CYP4F12: variants seen among roughly 807,000 people sequenced by gnomAD.
CYP4F12 encodes cytochrome P450 family 4 subfamily F member 12.
CYP4F12 carries 60 observed loss-of-function variants against 56.5 expected under a neutral mutation model. The ratio of observed to expected loss-of-function variants is 1.06; its 90% CI spans 0.86 to 1.32. The LOEUF (loss-of-function observed/expected upper bound fraction) is 1.32. CYP4F12 is among the 40% of genes most tolerant of loss of function. CYP4F12 has a pLI of 0.00. For synonymous variants in CYP4F12, 263 were observed against 264.9 expected (o/e 0.99, Z 0.07); for missense variants, 711 against 683.5 (o/e 1.04, Z -0.45).
intron 12 of CYP4F12, 95 bp downstream of exon 12, chr19:15,696,607 T>A: frequency 7.3e-7 from 1 of 1,364,616 alleles, no homozygotes. Context: ...CCAGCTCTCC[T>A]TCCCTCCATT....
In CYP4F12 at chr19:15,693,327, A is replaced by G. The variant is rs28557278; in HGVS notation, c.1116-2609A>G. Among the ~76,000 whole-genome samples, 1,362 of 152,308 alleles carry G rather than the reference A, an allele frequency of 8.9e-3. 18 individuals carry two copies. Among genetic ancestry groups the G allele is most frequent in the African/African-American group, 0.031 (1,296 of 41,540 alleles). The stretch of plus-strand genomic sequence containing the variant: ...CACTGCAAAAGAAGAAAGATTAAGC[A>G]GAGAATTCAGCTCCTTTGCTTGATC... On this transcript the variant is annotated intron_variant, in intron 9 of 12. Coordinates refer to ENST00000550308, the MANE Select transcript of CYP4F12 (RefSeq NM_023944.4).
chr19:15,682,650 G>A, intron 6 of CYP4F12, 140 bp downstream of exon 6: 1 of 1,313,436 alleles, frequency 7.6e-7, no homozygotes. Context: ...CGAGGAAGAG[G>A]AGAAAGTGCT....
At chr19:15,696,585 A>G in intron 12 of CYP4F12, 73 bp downstream of exon 12, 2 of 1,507,726 alleles carry the variant, frequency 1.3e-6, no homozygotes, top group Non-Finnish European at 1.8e-6. Flanking sequence ...GACGTTGCAG[A>G]TGGTCCCAGT....
intron 9 of CYP4F12, among the ~76,000 whole-genome samples, chr19:15,692,002 G>A (rs2007892576): frequency 6.6e-6 from 1 of 152,012 alleles, no homozygotes; most frequent in South Asian, 2.1e-4. Flanking sequence ...TTGTCGCCCA[G>A]GCTGGAGTGC....
At chr19:15,682,869 G>C (rs540299651) in intron 6 of CYP4F12, among the ~76,000 whole-genome samples, 1 of 152,308 alleles carries the variant, frequency 6.6e-6, no homozygotes, top group South Asian at 2.1e-4. Context: ...GCTGAGCTGT[G>C]TGGGAAACTG....
intron 11 of CYP4F12, 47 bp downstream of exon 11, chr19:15,696,272 G>T (rs766604494): frequency 8.8e-6 from 12 of 1,369,750 alleles, no homozygotes; most frequent in Non-Finnish European, 1.2e-5. Context: ...CTCTACTTTT[G>T]TGTGTGTGTG....
At chr19:15,683,955 G>C (rs1446092891) in intron 7 of CYP4F12, 192 bp downstream of exon 7, 1 of 561,006 alleles carries the variant, frequency 1.8e-6, no homozygotes, top group Non-Finnish European at 2.9e-6. Context: ...TTCTGAAACT[G>C]TGAGGAGCAT....
intron 3 of CYP4F12, among the ~76,000 whole-genome samples, chr19:15,679,733 C>A (rs1381812238): frequency 1.3e-5 from 2 of 152,180 alleles, no homozygotes; most frequent in Non-Finnish European, 2.9e-5. Context: ...ATTTTAGTCT[C>A]CCTGAGCCAG....
Position 15,678,448 on chromosome 19 carries a change from T to C in CYP4F12, c.343+43T>C, listed in dbSNP as rs1454853140. On this transcript the variant is annotated intron_variant, in intron 3 of 12. Coordinates refer to ENST00000550308, the MANE Select transcript of CYP4F12 (RefSeq NM_023944.4). Reference sequence around the variant, plus strand: ...GTGGTGGTGGGTGCCAGACCAAGCTTCTGTGTGGTCTCTGCAGTACCCACG... The same window carrying C: ...GTGGTGGTGGGTGCCAGACCAAGCTCCTGTGTGGTCTCTGCAGTACCCACG... 1.9e-6 allele frequency: 3 copies of C among 1,611,574 alleles called. No homozygotes were observed. The Admixed American group carries it at 5.0e-5, about 27-fold the overall frequency.
chr19:15,678,785 T>A (rs1434910170), intron 3 of CYP4F12, among the ~76,000 whole-genome samples: 1 of 152,088 alleles, frequency 6.6e-6, no homozygotes, highest in East Asian at 1.9e-4. Context: ...GACCAATAAG[T>A]AGGATTTTTT....
chr19:15,675,211 T>G (rs10411030), intron 2 of CYP4F12, among the ~76,000 whole-genome samples: 61,900 of 69,792 alleles, frequency 0.89, 28,313 homozygotes, highest in East Asian at 1. Flanking sequence ...CCCAAACCTT[T>G]CCCTCCGACT....
chr19:15,682,271 T>C, intron 5 of CYP4F12, 118 bp from the exon 6 acceptor site: 1 of 1,410,128 alleles, frequency 7.1e-7, no homozygotes, highest in South Asian at 1.3e-5. Flanking sequence ...TGGCAATGGG[T>C]TCCTGGGGCA....
intron 9 of CYP4F12, among the ~76,000 whole-genome samples, chr19:15,694,673 A>C (rs1269968594): frequency 1.6e-4 from 25 of 152,250 alleles, no homozygotes; most frequent in African/African-American, 5.5e-4. Flanking sequence ...TAATTGAATA[A>C]CCTTTATTTC....
intron 9 of CYP4F12, among the ~76,000 whole-genome samples, chr19:15,687,049 G>A (rs73507109): frequency 0.28 from 42,887 of 151,798 alleles, 6,554 homozygotes; most frequent in African/African-American, 0.4. Flanking sequence ...AGGCCGAGGC[G>A]GGCGGATCAC....
chr19:15,673,817 G>A, intron 2 of CYP4F12, 90 bp downstream of exon 2: 1 of 1,447,320 alleles, frequency 6.9e-7, no homozygotes, highest in Non-Finnish European at 9.4e-7. Context: ...AGGTATTGAT[G>A]GTGGCTGGGG....
At chr19:15,695,907 T>C (rs2008107987) in intron 9 of CYP4F12, 29 bp from the exon 10 acceptor site, 2 of 1,593,036 alleles carry the variant, frequency 1.3e-6, no homozygotes, top group Non-Finnish European at 1.7e-6. Flanking sequence ...GTTCCCTTGA[T>C]AATGACTGGG....
chr19:15,673,213 C>T, intron 1 of CYP4F12, 78 bp downstream of exon 1: 1 of 514,914 alleles, frequency 1.9e-6, no homozygotes. Context: ...GGGGTGGCTC[C>T]AAGATGCTGG....
chr19:15,694,047 G>T lies in CYP4F12; in HGVS notation c.1116-1889G>T, dbSNP rs559586385. Among the ~76,000 whole-genome samples the T allele has an allele frequency of 1.4e-3, 208 of 152,026 alleles. 2 individuals are homozygous for T. Among genetic ancestry groups the T allele is most frequent in the Middle Eastern group, 3.4e-3 (1 of 294 alleles). On this transcript the variant is annotated intron_variant, in intron 9 of 12. Transcript: ENST00000550308. ...GGCTCTGTTCTGTTCCATTGATCTA[G>T]ATCTCTGTTTTGGTACCAGTACCAT... is the stretch of plus-strand genomic sequence containing the variant.
In CYP4F12 at chr19:15,678,434, T is replaced by G. The variant is rs2144714925; in HGVS notation, c.343+29T>G. ...CCCATGCAGAGCTTGTGGTGGTGGG[T>G]GCCAGACCAAGCTTCTGTGTGGTCT... is the stretch of plus-strand genomic sequence containing the variant. On this transcript the variant is annotated intron_variant, in intron 3 of 12. Coordinates refer to ENST00000550308, the MANE Select transcript of CYP4F12 (RefSeq NM_023944.4). 1.9e-6 allele frequency: 3 copies of G among 1,613,634 alleles called. No individual in the cohort carries two copies. In the East Asian group the frequency reaches 6.7e-5, roughly 36 times the overall value.
Sources: gnomAD v4.1 joint callset for allele counts (sites outside exome capture counted in the v4.1 genomes callset) on GRCh38, gnomAD v4.1.1 for gene constraint, MANE v1.5 for transcripts, NCBI Gene and HGNC (gene_info 2026-07-23, HGNC 2026-07-21) for gene names.